C5orf24: variants seen among roughly 807,000 people sequenced by gnomAD.
C5orf24 encodes the protein UPF0461 protein C5orf24.
Under a neutral mutation model 9.8 loss-of-function variants are expected in C5orf24, and 4 were observed. That is an observed-to-expected ratio of 0.41 (90% CI 0.20 to 0.93). The LOEUF (loss-of-function observed/expected upper bound fraction) is 0.93, where lower values mean the gene tolerates loss of function less well. Among genes scored for constraint, C5orf24 ranks in the 40% least tolerant of loss-of-function variants. The pLI is 0.33. For synonymous variants in C5orf24, 73 were observed against 81.3 expected (o/e 0.90, Z 0.55); for missense variants, 170 against 236.9 (o/e 0.72, Z 1.85).
At chr5:134,841,428 A>G (rs554056994), upstream of C5orf24, among the ~76,000 whole-genome samples, 1 of 152,094 alleles carries the variant, frequency 6.6e-6, no homozygotes, top group African/African-American at 2.4e-5. Flanking sequence ...CCTCTCTACT[A>G]AAAATACAAA....
At chr5:134,850,883 T>G in intron 1 of C5orf24, among the ~76,000 whole-genome samples, 1 of 151,384 alleles carries the variant, frequency 6.6e-6, no homozygotes, top group African/African-American at 2.4e-5. Context: ...AAGCTGAGAC[T>G]GTATATCCTG....
chr5:134,837,471 A>T, the C5orf24 span, among the ~76,000 whole-genome samples: 1 of 152,200 alleles, frequency 6.6e-6, no homozygotes, highest in African/African-American at 2.4e-5. Flanking sequence ...AGATTTTCTT[A>T]TGCTCTCTGC....
chr5:134,842,052 G>A (rs58537465), upstream of C5orf24, among the ~76,000 whole-genome samples: 1 of 152,182 alleles, frequency 6.6e-6, no homozygotes, highest in African/African-American at 2.4e-5. Context: ...AATTTTATAA[G>A]AGGAGCTGCC....
upstream of C5orf24, among the ~76,000 whole-genome samples, chr5:134,842,524 T>C (rs973938768): frequency 6.6e-6 from 1 of 151,244 alleles, no homozygotes; most frequent in African/African-American, 2.4e-5. Context: ...AGTCAACATA[T>C]AGCATAAATG....
In C5orf24 at chr5:134,858,586, T is replaced by C. The variant is rs534315817; in HGVS notation, c.*3119T>C. On this transcript the variant is annotated 3_prime_UTR_variant, in exon 2 of 2. Coordinates refer to ENST00000394976, the MANE Select transcript of C5orf24 (RefSeq NM_001135586.1). ...GTTTCATTATTCTATATTTAAACTG[T>C]TGGTCAGAAAATGATCTGCAATTCA... 2 of 167,112 alleles carry C rather than the reference T, an allele frequency of 1.2e-5. No individual in the cohort carries two copies. Among genetic ancestry groups the C allele is most frequent in the East Asian group, 1.9e-4 (1 of 5,192 alleles). The allele number at this position is 167,112 out of a possible 1,614,324, so 10.4% of individuals were successfully genotyped here.
Position 134,855,099 on chromosome 5 carries a change from A to G in C5orf24, c.199A>G (p.Thr67Ala), listed in dbSNP as rs1161006241. ...DPLNETHLQT[T>A]SGRSIEIKDE... ...ATTAAATGAAACACACTTGCAGACTACAAGTGGCAGAAGCATAGAAATAAA... is the reference window on the plus strand; with the variant it reads ...ATTAAATGAAACACACTTGCAGACTGCAAGTGGCAGAAGCATAGAAATAAA... The change falls in exon 2 of 2, where the codon ACA (threonine) becomes GCA (alanine). Residue 67 changes from threonine (T) to alanine (A), a missense_variant. By Grantham distance (58) the Thr-to-Ala change is moderately conservative. This residue lies in a region of C5orf24 where 93 missense variants were observed against 104.5 expected (regional missense o/e 0.89). Transcript: ENST00000394976. 6.2e-7 allele frequency: 1 copy of G among 1,613,988 alleles called. No homozygotes were observed. The highest frequency in any genetic ancestry group is 8.5e-7 in the Non-Finnish European group (1 of 1,179,962).
At chr5:134,852,232 G>A (rs1256195062) in intron 1 of C5orf24, among the ~76,000 whole-genome samples, 1 of 152,200 alleles carries the variant, frequency 6.6e-6, no homozygotes, top group African/African-American at 2.4e-5. Context: ...GAGCCACCGC[G>A]CCTGGCCAAT....
At chr5:134,842,376 G>T (rs185594398), upstream of C5orf24, among the ~76,000 whole-genome samples, 5 of 152,058 alleles carry the variant, frequency 3.3e-5, no homozygotes, top group African/African-American at 9.6e-5. Context: ...TATAGTCCCA[G>T]CTACTCAGGA....
Position 134,855,757 on chromosome 5 carries a change from G to A in C5orf24, c.*290G>A. The stretch of plus-strand genomic sequence containing the variant: ...GTCTCATGTTTCATTACTACTTTGG[G>A]GCTGTTCTAAATAGATGCTTTATGT... On this transcript the variant is annotated 3_prime_UTR_variant, in exon 2 of 2. Transcript: ENST00000394976. 7.8e-7 allele frequency: 1 copy of A among 1,277,590 alleles called. No individual in the cohort carries two copies. Among genetic ancestry groups the A allele is most frequent in the Non-Finnish European group, 1.0e-6 (1 of 1,001,540 alleles). The allele number at this position is 1,277,590 out of a possible 1,614,324, so 79.1% of individuals were successfully genotyped here. A position where few individuals can be genotyped will look rare whatever the true frequency, so the allele number is the denominator to read the frequency against.
chr5:134,850,994 A>ATATT (rs34043118), intron 1 of C5orf24, among the ~76,000 whole-genome samples: 9,540 of 147,548 alleles, frequency 0.065, 353 homozygotes, highest in South Asian at 0.1. Flanking sequence ...AGAAATACAT[A>ATATT]TATTTATTTA....
chr5:134,839,849 G>C, the C5orf24 span, among the ~76,000 whole-genome samples: 1 of 151,962 alleles, frequency 6.6e-6, no homozygotes, highest in East Asian at 1.9e-4. Flanking sequence ...CACCATGCCT[G>C]GCTAATTTTT....
chr5:134,849,740 C>G (rs966008561), intron 1 of C5orf24, among the ~76,000 whole-genome samples: 1 of 147,212 alleles, frequency 6.8e-6, no homozygotes, highest in African/African-American at 2.5e-5. Context: ...TCACTGCAAC[C>G]TCTGCCTCCC....
chr5:134,833,991 G>GA, the C5orf24 span, among the ~76,000 whole-genome samples: 151,952 of 151,964 alleles, frequency 1, 75,970 homozygotes, highest in Middle Eastern at 1. Flanking sequence ...CTTTTGGGAA[G>GA]AAAAAAAATA....
In C5orf24 at chr5:134,857,527, T is replaced by C; in HGVS notation, c.*2060T>C. ...GCTTTGCACAAACCATAGAGAACGA[T>C]GTTGGATGGTTACATAATCAGTTAT... is the stretch of plus-strand genomic sequence containing the variant. On this transcript the variant is annotated 3_prime_UTR_variant, in exon 2 of 2. Coordinates refer to ENST00000394976, the MANE Select transcript of C5orf24 (RefSeq NM_001135586.1). 1 of 1,186,802 alleles carries C rather than the reference T, an allele frequency of 8.4e-7. No individual in the cohort carries two copies. The highest frequency in any genetic ancestry group is 1.1e-6 in the Non-Finnish European group (1 of 908,298). The allele number at this position is 1,186,802 out of a possible 1,614,324, so 73.5% of individuals were successfully genotyped here. A position where few individuals can be genotyped will look rare whatever the true frequency, so the allele number is the denominator to read the frequency against.
chr5:134,848,120 G>C (rs1173970483), intron 1 of C5orf24, among the ~76,000 whole-genome samples: 1 of 151,016 alleles, frequency 6.6e-6, no homozygotes, highest in East Asian at 2.0e-4. Context: ...AGACCATCCT[G>C]GCTAACATGG....
chr5:134,850,937 TACACACAC>T (rs1554159307), intron 1 of C5orf24, among the ~76,000 whole-genome samples: 2 of 146,992 alleles, frequency 1.4e-5, no homozygotes, highest in Non-Finnish European at 3.0e-5. Flanking sequence ...TATATATATA[TACACACAC>T]ACACACACAC....
Position 134,852,974 on chromosome 5 carries a change from G to A in C5orf24, c.-3-1924G>A, listed in dbSNP as rs1488903394. Among the ~76,000 whole-genome samples the A allele has an allele frequency of 2.0e-5, 3 of 152,100 alleles. 1 individual carries two copies. Among genetic ancestry groups the A allele is most frequent in the African/African-American group, 4.8e-5 (2 of 41,434 alleles). On this transcript the variant is annotated intron_variant, in intron 1 of 1. Transcript: ENST00000394976. ...AGGTCAGGAGATCAAGACCATCCTGGCTAACACGGTGAAACCCCATCTCTA... is the reference window on the plus strand; with the variant it reads ...AGGTCAGGAGATCAAGACCATCCTGACTAACACGGTGAAACCCCATCTCTA...
At chr5:134,847,389 G>T (rs561428238) in intron 1 of C5orf24, among the ~76,000 whole-genome samples, 6 of 152,136 alleles carry the variant, frequency 3.9e-5, no homozygotes, top group Admixed American at 3.9e-4. Context: ...TCTGCCTCCC[G>T]GGTTCAAGCA....
the C5orf24 span, among the ~76,000 whole-genome samples, chr5:134,837,226 A>C: frequency 1.3e-5 from 2 of 150,508 alleles, no homozygotes; most frequent in East Asian, 3.9e-4. Flanking sequence ...ACCCGCCTTG[A>C]CCTCCCAAAG....
Sources: allele counts gnomAD v4.1 joint callset (sites outside exome capture counted in the v4.1 genomes callset), GRCh38; gene constraint gnomAD v4.1.1; regional missense constraint gnomAD v4.1.1; transcripts MANE v1.5; gene names NCBI Gene and HGNC (gene_info 2026-07-23, HGNC 2026-07-21).